Variants in TSPAN14 observed in about 807,000 individuals in gnomAD.
TSPAN14 encodes tetraspanin 14.
Under a neutral mutation model 36.6 loss-of-function variants are expected in TSPAN14, and 16 were observed. That is an observed-to-expected ratio of 0.44 (90% CI 0.30 to 0.66). The LOEUF is 0.66. Ranked by LOEUF, TSPAN14 falls within the 30% of genes least tolerant of loss-of-function variation. The probability of loss-of-function intolerance (pLI) is 0.12; values close to 1 mark genes in which losing one functional copy is unlikely to be tolerated. For synonymous variants in TSPAN14, 139 were observed against 143.8 expected (o/e 0.97, Z 0.24); for missense variants, 231 against 355.1 (o/e 0.65, Z 2.81).
At chr10:80,485,768 G>A (rs1847554839) in intron 1 of TSPAN14, 2 of 796,882 alleles carry the variant, frequency 2.5e-6, no homozygotes, top group Non-Finnish European at 3.0e-6. Flanking sequence ...GAGCGGAGAA[G>A]GAAAACTGAA....
intron 1 of TSPAN14, among the ~76,000 whole-genome samples, chr10:80,473,064 G>A (rs1846647172): frequency 1.3e-5 from 2 of 152,288 alleles, no homozygotes; most frequent in South Asian, 2.1e-4. Context: ...GTCCTGCTCT[G>A]CCTGCTTCCA....
chr10:80,490,428 C>T (rs1406094375), intron 2 of TSPAN14, among the ~76,000 whole-genome samples: 1 of 152,118 alleles, frequency 6.6e-6, no homozygotes, highest in Non-Finnish European at 1.5e-5. Context: ...AAACCCACTC[C>T]CAAGTTGGCT....
chr10:80,488,912 G>A (rs1847771339), intron 1 of TSPAN14, among the ~76,000 whole-genome samples: 2 of 152,176 alleles, frequency 1.3e-5, no homozygotes, highest in South Asian at 2.1e-4. Flanking sequence ...ATTCCCAATC[G>A]AGAGGTGATG....
intron 2 of TSPAN14, among the ~76,000 whole-genome samples, chr10:80,500,314 CTTTTTTTTTTTTT>C (rs144759161): frequency 2.7e-4 from 13 of 47,890 alleles, no homozygotes; most frequent in East Asian, 1.5e-3. Context: ...AGGCCTTATT[CTTTTTTTTTTTTT>C]TTTTTTTTTT....
intron 2 of TSPAN14, among the ~76,000 whole-genome samples, chr10:80,503,215 G>A (rs936993910): frequency 3.9e-5 from 6 of 152,080 alleles, no homozygotes; most frequent in Non-Finnish European, 5.9e-5. Flanking sequence ...GAAAGGAAGC[G>A]GTCATGCATT....
At chr10:80,488,540 T>G (rs1847751921) in intron 1 of TSPAN14, among the ~76,000 whole-genome samples, 2 of 147,582 alleles carry the variant, frequency 1.4e-5, no homozygotes, top group African/African-American at 2.5e-5. Context: ...GGGGGGCGAG[T>G]GACAGGGGAG....
At chr10:80,491,894 A>G (rs1175107413) in intron 2 of TSPAN14, among the ~76,000 whole-genome samples, 1 of 152,082 alleles carries the variant, frequency 6.6e-6, no homozygotes, top group Non-Finnish European at 1.5e-5. Flanking sequence ...GCCTAGGGGG[A>G]AGCTGCTGGA....
intron 1 of TSPAN14, among the ~76,000 whole-genome samples, chr10:80,472,832 G>T (rs1450676303): frequency 6.6e-6 from 1 of 152,082 alleles, no homozygotes; most frequent in African/African-American, 2.4e-5. Flanking sequence ...TCCAGATTTG[G>T]CCAGTGGGGG....
chr10:80,457,469 G>T (rs993518929), intron 1 of TSPAN14, among the ~76,000 whole-genome samples: 1 of 152,188 alleles, frequency 6.6e-6, no homozygotes, highest in Non-Finnish European at 1.5e-5. Context: ...GATTACAGGC[G>T]TGAGCCACTG....
At chr10:80,516,317 G>A (rs1840939396) in exon 8 of TSPAN14, 1 of 1,614,116 alleles carries the variant, frequency 6.2e-7, no homozygotes, top group Non-Finnish European at 8.5e-7. Context: ...CCATCTCGCT[G>A]TTGCAGGTGT....
chr10:80,520,389 C>T, exon 9 of TSPAN14: 2 of 399,556 alleles, frequency 5.0e-6, no homozygotes, highest in Non-Finnish European at 9.8e-6. Flanking sequence ...GGTCACGTGG[C>T]AGTCTCCGCC....
chr10:80,512,981 A>G lies in TSPAN14; in HGVS notation c.576+712A>G, dbSNP rs1046553475. ...TGCGATCTCAGCTCACTGTACAACCATTGCTTCCCCGGGCTCAAGCAATTC... is the reference window on the plus strand; with the variant it reads ...TGCGATCTCAGCTCACTGTACAACCGTTGCTTCCCCGGGCTCAAGCAATTC... On this transcript the variant is annotated intron_variant, in intron 6 of 8. Coordinates refer to ENST00000429989, the Ensembl canonical transcript of TSPAN14. 7.9e-5 allele frequency among the ~76,000 whole-genome samples: 12 copies of G among 152,088 alleles called. 1 individual carries two copies. Among genetic ancestry groups the G allele is most frequent in the Middle Eastern group, 3.4e-3 (1 of 294 alleles).
chr10:80,488,832 T>C (rs1847768862), intron 1 of TSPAN14, among the ~76,000 whole-genome samples: 1 of 152,136 alleles, frequency 6.6e-6, no homozygotes, highest in African/African-American at 2.4e-5. Flanking sequence ...CTGTCATTGC[T>C]CTCTTGTCCT....
chr10:80,457,517 A>G (rs1299307245), intron 1 of TSPAN14, among the ~76,000 whole-genome samples: 1 of 152,298 alleles, frequency 6.6e-6, no homozygotes, highest in Non-Finnish European at 1.5e-5. Flanking sequence ...TTTAGACAAT[A>G]TGTTCCTCTC....
At chr10:80,522,375 G>A (rs1387174739) in exon 9 of TSPAN14, 1 of 152,096 alleles carries the variant, frequency 6.6e-6, no homozygotes, top group Non-Finnish European at 1.5e-5. Flanking sequence ...GTCGGGCATG[G>A]TGATGTGCAC....
At chr10:80,481,396 A>G (rs1397145978) in intron 1 of TSPAN14, among the ~76,000 whole-genome samples, 2 of 152,366 alleles carry the variant, frequency 1.3e-5, no homozygotes, top group East Asian at 3.9e-4. Flanking sequence ...TGATAAATTC[A>G]TAGAAAATTA....
At chr10:80,519,390 GCTA>G (rs1841126691) in exon 9 of TSPAN14, 1 of 152,706 alleles carries the variant, frequency 6.5e-6, no homozygotes, top group South Asian at 2.1e-4. Flanking sequence ...GTCTAGCTGG[GCTA>G]CTTTCTAACA....
chr10:80,497,732 TG>T (rs950298581), intron 2 of TSPAN14, among the ~76,000 whole-genome samples: 2 of 152,164 alleles, frequency 1.3e-5, no homozygotes, highest in African/African-American at 4.8e-5. Flanking sequence ...CGGGGCTCAG[TG>T]GGGGTCAACT....
At chr10:80,478,333 TA>T (rs1847039147) in intron 1 of TSPAN14, among the ~76,000 whole-genome samples, 2 of 151,712 alleles carry the variant, frequency 1.3e-5, no homozygotes, top group Non-Finnish European at 2.9e-5. Context: ...AGGAGATGAA[TA>T]ATAAATAAGG....
Sources: allele counts gnomAD v4.1 joint callset (sites outside exome capture counted in the v4.1 genomes callset), GRCh38; gene constraint gnomAD v4.1.1; transcripts MANE v1.5; gene names NCBI Gene and HGNC (gene_info 2026-07-23, HGNC 2026-07-21).